Variants in ARGLU1 observed in about 807,000 individuals in gnomAD.
The protein encoded by ARGLU1 is arginine and glutamate-rich protein 1.
A neutral mutation model predicts 37.6 loss-of-function variants in ARGLU1; 9 were observed. The observed-to-expected ratio is 0.24, with a 90% CI of 0.14 to 0.42. The LOEUF (loss-of-function observed/expected upper bound fraction) is 0.42, where lower values mean the gene tolerates loss of function less well. ARGLU1 is among the 10% of genes least tolerant of loss of function. ARGLU1 has a pLI of 1.00. For missense variants in ARGLU1, 211 were observed against 359.2 expected (o/e 0.59, Z 3.34); for synonymous variants, 166 against 138.5 (o/e 1.20, Z -1.39).
At position 106,555,746 on chromosome 13, in the gene ARGLU1, G is replaced by A. The variant is rs1880647042; in HGVS notation, c.657+1302C>T. 2.6e-5 allele frequency among the ~76,000 whole-genome samples: 4 copies of A among 152,096 alleles called. No homozygotes were observed. In the South Asian group the frequency reaches 6.2e-4, roughly 24 times the overall value. On this transcript the variant is annotated intron_variant, in intron 3 of 3. Transcript: ENST00000400198. ...ATAGAGGACTGTAAGAATGCAAGGA[G>A]GCCAAGCCGTCCCTAGCTACCACAG... is the stretch of plus-strand genomic sequence containing the variant.
rs375269028 is a variant in ARGLU1, at chr13:106,567,593, C to T, written c.327G>A (p.Glu109=). The change falls in exon 1 of 4, where the codon GAG becomes GAA. Residue 109 remains glutamate (E), a synonymous_variant. Coordinates refer to ENST00000400198, the MANE Select transcript of ARGLU1 (RefSeq NM_018011.4). This position sits in a 1 kb window ranked among gnomAD's most constrained non-coding sequence, Gnocchi z 4.3. ...CTCACATTTTTCGCTGCCGCTCGAA[C>T]TCCGCTTTCTTCTCCTCCTCCTCTC... ...QKREEEEKKA[E]FERQRKIRQQ... 14 of 1,612,610 alleles carry T rather than the reference C, an allele frequency of 8.7e-6. No homozygotes were observed. The African/African-American group carries it at 1.3e-4, about 15-fold the overall frequency.
At position 106,541,683 on chromosome 13, in the gene ARGLU1, G is replaced by C. The variant is rs1324698661; in HGVS notation, c.*2313C>G. 3.3e-5 allele frequency: 5 copies of C among 152,024 alleles called. No individual in the cohort carries two copies. In the South Asian group the frequency reaches 1.0e-3, roughly 32 times the overall value. The allele number at this position is 152,024 out of a possible 1,614,324, so 9.4% of individuals were successfully genotyped here. A position where few individuals can be genotyped will look rare whatever the true frequency, so the allele number is the denominator to read the frequency against. ...GTCCTCACACCAAGCTAATTTAAAG[G>C]TTTAGTTTATACAATTGATAATTCT... On this transcript the variant is annotated 3_prime_UTR_variant, in exon 4 of 4. Coordinates refer to ENST00000400198, the MANE Select transcript of ARGLU1 (RefSeq NM_018011.4).
At chr13:106,558,253 TA>T (rs1352500049) in intron 2 of ARGLU1, 2 of 983,586 alleles carry the variant, frequency 2.0e-6, no homozygotes, top group Non-Finnish European at 2.4e-6. Flanking sequence ...CTGATATAAA[TA>T]AAAATTTCAT....
At position 106,568,037 on chromosome 13, in the gene ARGLU1, G is replaced by A. The variant is rs1406906034; in HGVS notation, c.-118C>T. On this transcript the variant is annotated 5_prime_UTR_variant, in exon 1 of 4. Transcript: ENST00000400198. ...CGAGGCCGGAGGAAAGAAAGGTGTC[G>A]GCCAACGGACTTTATGCCTTTTCCC... 5 of 1,416,084 alleles carry A rather than the reference G, an allele frequency of 3.5e-6. No individual in the cohort carries two copies. Among genetic ancestry groups the A allele is most frequent in the African/African-American group, 3.0e-5 (2 of 67,380 alleles). 87.7% of individuals were successfully genotyped at this position (1,416,084 alleles called of 1,614,324 possible).
Position 106,557,194 on chromosome 13 carries a change from T to G in ARGLU1, c.574-63A>C. 22 of 1,388,188 alleles carry G rather than the reference T, an allele frequency of 1.6e-5. No individual in the cohort carries two copies. The South Asian group carries it at 2.5e-4, about 16-fold the overall frequency. 86.0% of individuals were successfully genotyped at this position (1,388,188 alleles called of 1,614,324 possible). A position where few individuals can be genotyped will look rare whatever the true frequency, so the allele number is the denominator to read the frequency against. On this transcript the variant is annotated intron_variant, in intron 2 of 3. Transcript: ENST00000400198. The surrounding 1 kb of genome is among the most constrained non-coding windows in gnomAD (Gnocchi z 5.0). The stretch of plus-strand genomic sequence containing the variant: ...AATGTTTATTTTTATTGATAAATAT[T>G]TACTAATCTTCCTCTGAACTTTTTT...
rs112393077 is a variant in ARGLU1, at chr13:106,556,874, T to C, written c.657+174A>G. Among the ~76,000 whole-genome samples the C allele has an allele frequency of 1.3e-3, 198 of 152,324 alleles. 1 individual carries two copies. The highest frequency in any genetic ancestry group is 1.0e-2 in the Admixed American group (153 of 15,304). On this transcript the variant is annotated intron_variant, in intron 3 of 3. Transcript: ENST00000400198. The stretch of plus-strand genomic sequence containing the variant: ...TGCAAATTTTGGAGTTCTGTCCAGA[T>C]TGGAAGGAAAAATCTCAATTGTTCC...
Position 106,564,147 on chromosome 13 carries a change from T to C in ARGLU1, c.347+3426A>G, listed in dbSNP as rs546624293. Among the ~76,000 whole-genome samples, 42 of 152,304 alleles carry C rather than the reference T, an allele frequency of 2.8e-4. No individual in the cohort carries two copies. The South Asian group carries it at 5.0e-3, about 18-fold the overall frequency. On this transcript the variant is annotated intron_variant, in intron 1 of 3. Coordinates refer to ENST00000400198, the MANE Select transcript of ARGLU1 (RefSeq NM_018011.4). ...AACCATGTGAACTGCCTATTCAAAA[T>C]TGAGGGCAAAAGTCTTTAAAAATGT... is the stretch of plus-strand genomic sequence containing the variant.
chr13:106,547,787 G>C (rs1331678299), intron 3 of ARGLU1, among the ~76,000 whole-genome samples: 2 of 74,530 alleles, frequency 2.7e-5, no homozygotes, highest in Non-Finnish European at 5.7e-5. Flanking sequence ...TTGGGGGTAA[G>C]GTAAAGGGAC....
chr13:106,555,033 C>T (rs1880627853), intron 3 of ARGLU1, among the ~76,000 whole-genome samples: 1 of 151,916 alleles, frequency 6.6e-6, no homozygotes, highest in African/African-American at 2.4e-5. Context: ...ATGTTTTTTA[C>T]TGAAGTTTAT....
intron 1 of ARGLU1, among the ~76,000 whole-genome samples, chr13:106,562,256 TC>T (rs1278414226): frequency 6.6e-6 from 1 of 152,168 alleles, no homozygotes; most frequent in Non-Finnish European, 1.5e-5. Context: ...AAATTTTAAA[TC>T]AAATTTTAGA....
rs949173829 is a variant in ARGLU1, at chr13:106,561,172, T to G, written c.348-1515A>C. ...GAAGTCTTTATCTACAGCAGCTCAG[T>G]GAGAGAGCAGGTATCTTCCCCAATA... On this transcript the variant is annotated intron_variant, in intron 1 of 3. Coordinates refer to ENST00000400198, the MANE Select transcript of ARGLU1 (RefSeq NM_018011.4). Among the ~76,000 whole-genome samples the G allele has an allele frequency of 2.6e-5, 4 of 152,206 alleles. No homozygotes were observed. The East Asian group carries it at 7.7e-4, about 29-fold the overall frequency.
intron 1 of ARGLU1, among the ~76,000 whole-genome samples, chr13:106,560,116 A>G (rs1347850242): frequency 2.6e-5 from 4 of 152,222 alleles, no homozygotes; most frequent in African/African-American, 9.6e-5. Context: ...AAGCAAAGAG[A>G]GAATAAATAC....
intron 3 of ARGLU1, among the ~76,000 whole-genome samples, chr13:106,554,928 G>A (rs964095824): frequency 6.6e-6 from 1 of 151,492 alleles, no homozygotes; most frequent in African/African-American, 2.4e-5. Context: ...AATTTACTAC[G>A]CTCCCAACTT....
At chr13:106,560,901 T>G (rs547609174) in intron 1 of ARGLU1, among the ~76,000 whole-genome samples, 1 of 152,296 alleles carries the variant, frequency 6.6e-6, no homozygotes, top group East Asian at 1.9e-4. Flanking sequence ...AATACCCCAA[T>G]CCACTTCAAC....
At position 106,567,746 on chromosome 13, in the gene ARGLU1, C is replaced by T. The variant is rs1881017411; in HGVS notation, c.174G>A (p.Ser58=). 1.2e-6 allele frequency: 2 copies of T among 1,611,532 alleles called. No homozygotes were observed. The highest frequency in any genetic ancestry group is 3.3e-5 in the Admixed American group (2 of 59,906). Reference sequence around the variant, plus strand: ...GGGACACGGCCGTGTTGGTGGAGCGCGAACGGGACCGCGACTCCCGCCGCC... The same window carrying T: ...GGGACACGGCCGTGTTGGTGGAGCGTGAACGGGACCGCGACTCCCGCCGCC... ...RNRRRESRSR[S]RSTNTAVSRR... is the part of the protein sequence containing the mutation. The change falls in exon 1 of 4, where the codon TCG becomes TCA. Residue 58 remains serine, a synonymous_variant. Coordinates refer to ENST00000400198, the MANE Select transcript of ARGLU1 (RefSeq NM_018011.4). This position sits in a 1 kb window ranked among gnomAD's most constrained non-coding sequence, Gnocchi z 4.3.
chr13:106,567,065 T>C lies in ARGLU1; in HGVS notation c.347+508A>G, dbSNP rs1474678001. 6.6e-6 allele frequency among the ~76,000 whole-genome samples: 1 copy of C among 152,104 alleles called. No homozygotes were observed. The highest frequency in any genetic ancestry group is 1.5e-5 in the Non-Finnish European group (1 of 68,030). ...TTTTTCTGGCGGACCACCTAAAGTG[T>C]ATGATTCCCGAGATTAGTTAAGTCC... On this transcript the variant is annotated intron_variant, in intron 1 of 3. Transcript: ENST00000400198. The surrounding 1 kb of genome is among the most constrained non-coding windows in gnomAD (Gnocchi z 4.3).
At chr13:106,562,284 A>T (rs1157652771) in intron 1 of ARGLU1, among the ~76,000 whole-genome samples, 1 of 152,234 alleles carries the variant, frequency 6.6e-6, no homozygotes, top group African/African-American at 2.4e-5. Context: ...GCTGAAGGAA[A>T]GCTCAATTTT....
At chr13:106,558,269 T>A (rs1272860767) in intron 2 of ARGLU1, 1 of 983,572 alleles carries the variant, frequency 1.0e-6, no homozygotes, top group East Asian at 1.1e-4. Context: ...TTTCATACAT[T>A]CAATTTTATA....
In ARGLU1 at chr13:106,549,297, T is replaced by C. The variant is rs115472671; in HGVS notation, c.658-5137A>G. Among the ~76,000 whole-genome samples, 283 of 152,324 alleles carry C rather than the reference T, an allele frequency of 1.9e-3. 1 individual carries two copies. Among genetic ancestry groups the C allele is most frequent in the African/African-American group, 6.5e-3 (269 of 41,584 alleles). On this transcript the variant is annotated intron_variant, in intron 3 of 3. Transcript: ENST00000400198. Reference sequence around the variant, plus strand: ...GATGAAAAACAGCACAATTAGAAACTATGCCACTATTCAGAAATGTGATTT... The same window carrying C: ...GATGAAAAACAGCACAATTAGAAACCATGCCACTATTCAGAAATGTGATTT...
Sources: allele counts gnomAD v4.1 joint callset (sites outside exome capture counted in the v4.1 genomes callset), GRCh38; gene constraint gnomAD v4.1.1; non-coding constraint Gnocchi (gnomAD v3.1); transcripts MANE v1.5; gene names NCBI Gene and HGNC (gene_info 2026-07-23, HGNC 2026-07-21).